The following TAFA5 variants were observed in gnomAD, a reference collection of about 807,000 sequenced individuals.
The protein encoded by TAFA5 is chemokine-like protein TAFA-5.
Under a neutral mutation model 15.3 loss-of-function variants are expected in TAFA5, and 6 were observed. The observed-to-expected ratio is 0.39, with a 90% confidence interval of 0.21 to 0.77. The LOEUF (loss-of-function observed/expected upper bound fraction) is 0.77, where lower values mean the gene tolerates loss of function less well. Ranked by LOEUF, TAFA5 falls within the 30% of genes least tolerant of loss-of-function variation. The pLI is 0.41. For synonymous variants in TAFA5, 103 were observed against 80.7 expected (o/e 1.28, Z -1.48); for missense variants, 161 against 193.1 (o/e 0.83, Z 0.98).
At chr22:48,654,651 A>G (rs75979275) in intron 2 of TAFA5, among the ~76,000 whole-genome samples, 6,673 of 152,288 alleles carry the variant, frequency 0.044, 492 homozygotes, top group African/African-American at 0.15. Context: ...CACTCCCAAC[A>G]AACTTGGGTG....
chr22:48,647,862 T>C (rs1313309191), intron 2 of TAFA5, among the ~76,000 whole-genome samples: 2 of 152,072 alleles, frequency 1.3e-5, no homozygotes. Flanking sequence ...GTGGGTGAGA[T>C]GCGGAGTCCC....
intron 3 of TAFA5, among the ~76,000 whole-genome samples, chr22:48,730,453 G>A (rs1324174547): frequency 2.0e-5 from 3 of 152,114 alleles, no homozygotes; most frequent in Non-Finnish European, 2.9e-5. Context: ...ACAAAAGTGC[G>A]TCTTGCTACA....
chr22:48,721,739 C>G (rs1338004241), intron 3 of TAFA5, among the ~76,000 whole-genome samples: 1 of 152,140 alleles, frequency 6.6e-6, no homozygotes, highest in Non-Finnish European at 1.5e-5. Flanking sequence ...GGAGGCCAAG[C>G]AGGCAGATCA....
intron 2 of TAFA5, among the ~76,000 whole-genome samples, chr22:48,704,156 C>T (rs576320351): frequency 6.6e-6 from 1 of 151,680 alleles, no homozygotes; most frequent in East Asian, 2.0e-4. Context: ...CCTTTCATGT[C>T]CTTCAGTGTT....
intron 1 of TAFA5, among the ~76,000 whole-genome samples, chr22:48,514,889 C>T (rs1470944768): frequency 6.6e-6 from 1 of 152,268 alleles, no homozygotes; most frequent in Non-Finnish European, 1.5e-5. Flanking sequence ...CAAATCATCT[C>T]TGATCTCCAA....
intron 3 of TAFA5, among the ~76,000 whole-genome samples, chr22:48,735,989 CCTGGAGT>C (rs1477241827): frequency 1.3e-4 from 13 of 102,950 alleles, no homozygotes; most frequent in African/African-American, 3.5e-4. Flanking sequence ...GAATCGCACT[CCTGGAGT>C]CCAGAGTCCA....
intron 1 of TAFA5, chr22:48,544,394 C>G: frequency 2.9e-6 from 1 of 343,826 alleles, no homozygotes; most frequent in South Asian, 2.3e-5. Context: ...GGCTCTGTCC[C>G]CACTCCACGG....
intron 2 of TAFA5, among the ~76,000 whole-genome samples, chr22:48,696,963 G>A (rs1315493520): frequency 1.3e-5 from 2 of 152,202 alleles, no homozygotes; most frequent in East Asian, 3.9e-4. Flanking sequence ...CCCAATGGTA[G>A]CATGCTAGCT....
At chr22:48,586,378 G>A (rs946962085) in intron 1 of TAFA5, among the ~76,000 whole-genome samples, 4 of 152,244 alleles carry the variant, frequency 2.6e-5, no homozygotes, top group African/African-American at 7.2e-5. Context: ...TTTGGGACGA[G>A]GAAGCCCCAC....
intron 2 of TAFA5, among the ~76,000 whole-genome samples, chr22:48,701,188 G>T (rs556903537): frequency 6.6e-6 from 1 of 152,186 alleles, no homozygotes; most frequent in Non-Finnish European, 1.5e-5. Context: ...AGGACATGGG[G>T]CAGAGGGTAG....
intron 1 of TAFA5, among the ~76,000 whole-genome samples, chr22:48,611,107 G>A (rs530543644): frequency 6.6e-6 from 1 of 152,200 alleles, no homozygotes; most frequent in East Asian, 1.9e-4. Flanking sequence ...CTAATTTTTT[G>A]TATATTCAGT....
At position 48,703,220 on chromosome 22, in the gene TAFA5, C is replaced by T. The variant is rs567257857; in HGVS notation, c.263-4497C>T. Among the ~76,000 whole-genome samples, 401 of 151,998 alleles carry T rather than the reference C, an allele frequency of 2.6e-3. 1 individual carries two copies. The highest frequency in any genetic ancestry group is 7.5e-3 in the African/African-American group (311 of 41,470). On this transcript the variant is annotated intron_variant, in intron 2 of 3. Transcript: ENST00000402357. Reference sequence around the variant, plus strand: ...GGTGTATACATGTGTGTGATGTGTACGTGTGTGTGTTGTGTACATGTGTGT... The same window carrying T: ...GGTGTATACATGTGTGTGATGTGTATGTGTGTGTGTTGTGTACATGTGTGT...
At chr22:48,625,582 G>A (rs532927835) in intron 1 of TAFA5, among the ~76,000 whole-genome samples, 17 of 152,298 alleles carry the variant, frequency 1.1e-4, no homozygotes, top group South Asian at 4.1e-4. Context: ...CCCCTTTCCA[G>A]AATCACACCG....
rs368824010 is a variant in TAFA5, at chr22:48,707,167, C to T, written c.263-550C>T. ...GTCAGCCGGGCATCTGCAGATGAGACGAGGCGGGAGTAGGATGGGGGCCAG... is the reference window on the plus strand; with the variant it reads ...GTCAGCCGGGCATCTGCAGATGAGATGAGGCGGGAGTAGGATGGGGGCCAG... On this transcript the variant is annotated intron_variant, in intron 2 of 3. Transcript: ENST00000402357. Among the ~76,000 whole-genome samples the T allele has an allele frequency of 2.7e-4, 41 of 150,468 alleles. No individual in the cohort carries two copies. In the East Asian group the frequency reaches 4.6e-3, roughly 17 times the overall value.
intron 2 of TAFA5, among the ~76,000 whole-genome samples, chr22:48,694,335 C>T (rs758922010): frequency 7.2e-5 from 11 of 152,190 alleles, no homozygotes; most frequent in South Asian, 4.1e-4. Flanking sequence ...CACACAAATA[C>T]GTAGAAATGA....
At chr22:48,554,343 T>G (rs1569023614) in intron 1 of TAFA5, among the ~76,000 whole-genome samples, 1 of 152,058 alleles carries the variant, frequency 6.6e-6, no homozygotes, top group Non-Finnish European at 1.5e-5. Flanking sequence ...CTTTCCCATT[T>G]ACTTCTCTTT....
intron 2 of TAFA5, chr22:48,693,362 C>T (rs1310386524): frequency 6.2e-7 from 1 of 1,612,584 alleles, no homozygotes; most frequent in South Asian, 1.1e-5. Flanking sequence ...CCGAAATGTA[C>T]CACCACCGGG....
At chr22:48,729,193 A>C (rs1302129814) in intron 3 of TAFA5, among the ~76,000 whole-genome samples, 1 of 150,214 alleles carries the variant, frequency 6.7e-6, no homozygotes, top group Non-Finnish European at 1.5e-5. Context: ...AAATATTGGA[A>C]AATATGGAAA....
chr22:48,662,807 G>A (rs1347625679), intron 2 of TAFA5, among the ~76,000 whole-genome samples: 4 of 152,220 alleles, frequency 2.6e-5, no homozygotes. Flanking sequence ...GCACCCACTA[G>A]CCCACAGAGG....
Sources: allele counts gnomAD v4.1 joint callset (sites outside exome capture counted in the v4.1 genomes callset), GRCh38; gene constraint gnomAD v4.1.1; transcripts MANE v1.5; gene names NCBI Gene and HGNC (gene_info 2026-07-23, HGNC 2026-07-21).